MAP3K14: variants seen among roughly 807,000 people sequenced by gnomAD.
The protein encoded by MAP3K14 is mitogen-activated protein kinase kinase kinase 14.
A neutral mutation model predicts 99.2 loss-of-function variants in MAP3K14; 16 were observed. That is an observed-to-expected ratio of 0.16 (90% CI 0.11 to 0.24). The LOEUF is 0.24. MAP3K14 is among the 10% of genes least tolerant of loss of function. The probability of loss-of-function intolerance (pLI) is 1.00; values close to 1 mark genes in which losing one functional copy is unlikely to be tolerated. For missense variants in MAP3K14, 784 were observed against 1,208.7 expected, an observed-to-expected ratio of 0.65 and a Z score of 5.21; for synonymous variants, 462 against 492.4, an observed-to-expected ratio of 0.94 and a Z score of 0.82.
At position 45,274,541 on chromosome 17, in the gene MAP3K14, G is replaced by A; in HGVS notation, c.1343C>T (p.Thr448Ile). Residue 448 changes from threonine to isoleucine, a missense_variant, in exon 7 of 16, where the codon ACC becomes ATC. Coordinates refer to ENST00000344686, the MANE Select transcript of MAP3K14 (RefSeq NM_003954.5). ...AEELMACAGLTSPRIVPLYGA... is the reference protein window; with the variant it reads ...AEELMACAGLISPRIVPLYGA... ...ATACAAAGGGACAATTCTGGGTGAG[G>A]TCAATCCTGCACATGCCATCAGCTC... 1 of 1,613,960 alleles carries A rather than the reference G, an allele frequency of 6.2e-7. No individual in the cohort carries two copies. The highest frequency in any genetic ancestry group is 8.5e-7 in the Non-Finnish European group (1 of 1,179,898).
At position 45,303,741 on chromosome 17, in the gene MAP3K14, CT is replaced by C. The variant is rs77134550; in HGVS notation, c.-20-12977del. ...ACATATATAAACATATAGTTTGGGA[CT>C]TTTTTTTTTTTTTGTATTTTTAGTA... is the stretch of plus-strand genomic sequence containing the variant. On this transcript the variant is annotated intron_variant, in intron 1 of 15. Transcript: ENST00000344686. Among the ~76,000 whole-genome samples, 632 of 142,020 alleles carry C rather than the reference CT, an allele frequency of 4.5e-3. 1 individual carries two copies. Among genetic ancestry groups the C allele is most frequent in the African/African-American group, 8.2e-3 (321 of 38,994 alleles). The allele number at this position is 142,020 out of a possible 152,430, so 93.2% of individuals were successfully genotyped here.
chr17:45,275,648 C>T (rs1011037674), intron 6 of MAP3K14, among the ~76,000 whole-genome samples: 1 of 151,812 alleles, frequency 6.6e-6, no homozygotes, highest in East Asian at 1.9e-4. Context: ...GATGTGGGAC[C>T]TTTTGCTTAT....
intron 1 of MAP3K14, among the ~76,000 whole-genome samples, chr17:45,301,475 A>C (rs2044387454): frequency 6.6e-6 from 1 of 152,180 alleles, no homozygotes; most frequent in Non-Finnish European, 1.5e-5. Flanking sequence ...AGAAAAAAAA[A>C]AAGTTCACAG....
At chr17:45,283,980 T>C (rs1236055477) in intron 6 of MAP3K14, among the ~76,000 whole-genome samples, 1 of 152,120 alleles carries the variant, frequency 6.6e-6, no homozygotes, top group Non-Finnish European at 1.5e-5. Flanking sequence ...CTGTAAGGTC[T>C]GTCGGTCTGC....
At position 45,274,668 on chromosome 17, in the gene MAP3K14, C is replaced by T; in HGVS notation, c.1291-75G>A. The T allele has an allele frequency of 3.3e-6, 5 of 1,533,694 alleles. No homozygotes were observed. The South Asian group carries it at 4.9e-5, about 15-fold the overall frequency. ...TGGGTCCCTGGCATCCTGTCAGCAC[C>T]CTAGTGCTCCACACACAGAGGCTGC... On this transcript the variant is annotated intron_variant, in intron 6 of 15. Coordinates refer to ENST00000344686, the MANE Select transcript of MAP3K14 (RefSeq NM_003954.5).
At chr17:45,301,576 A>G (rs1272813156) in intron 1 of MAP3K14, among the ~76,000 whole-genome samples, 2 of 152,234 alleles carry the variant, frequency 1.3e-5, no homozygotes, top group African/African-American at 4.8e-5. Context: ...TCCATTAAAA[A>G]TGTTTATAAA....
intron 1 of MAP3K14, among the ~76,000 whole-genome samples, chr17:45,292,884 C>T (rs1321052283): frequency 6.6e-6 from 1 of 152,174 alleles, no homozygotes; most frequent in Non-Finnish European, 1.5e-5. Context: ...TGGAGACTTG[C>T]CCAAGGTCAC....
At chr17:45,299,749 T>C (rs963611925) in intron 1 of MAP3K14, among the ~76,000 whole-genome samples, 6 of 152,214 alleles carry the variant, frequency 3.9e-5, no homozygotes, top group Admixed American at 3.9e-4. Flanking sequence ...ATCATTAAAA[T>C]CTTACAGATC....
chr17:45,305,099 TA>T (rs2044420869), intron 1 of MAP3K14, among the ~76,000 whole-genome samples: 1 of 152,108 alleles, frequency 6.6e-6, no homozygotes, highest in Non-Finnish European at 1.5e-5. Flanking sequence ...TATGTTTTTT[TA>T]TTTTTTTTAT....
At chr17:45,298,473 A>G (rs923518121) in intron 1 of MAP3K14, among the ~76,000 whole-genome samples, 2 of 152,254 alleles carry the variant, frequency 1.3e-5, no homozygotes, top group Non-Finnish European at 2.9e-5. Flanking sequence ...AATTATCCAG[A>G]AAAGTTGGAA....
At chr17:45,311,185 A>T (rs1488903824) in intron 1 of MAP3K14, among the ~76,000 whole-genome samples, 1 of 152,168 alleles carries the variant, frequency 6.6e-6, no homozygotes, top group Non-Finnish European at 1.5e-5. Context: ...CACTGCAAAA[A>T]ATGTGAATGA....
At chr17:45,276,873 G>T (rs1598248646) in intron 6 of MAP3K14, among the ~76,000 whole-genome samples, 1 of 119,410 alleles carries the variant, frequency 8.4e-6, no homozygotes, top group Non-Finnish European at 1.6e-5. Context: ...CTGTCACCAG[G>T]CTGGAGTGCA....
intron 1 of MAP3K14, among the ~76,000 whole-genome samples, chr17:45,294,727 C>A (rs2044335023): frequency 6.6e-6 from 1 of 152,252 alleles, no homozygotes; most frequent in Non-Finnish European, 1.5e-5. Context: ...AGAATCTGTA[C>A]TTTTGACAAG....
intron 1 of MAP3K14, among the ~76,000 whole-genome samples, chr17:45,313,953 CAT>C (rs2143887437): frequency 6.6e-6 from 1 of 152,262 alleles, no homozygotes; most frequent in East Asian, 1.9e-4. Flanking sequence ...CCCTTCTTCA[CAT>C]GAGTATGGTG....
In MAP3K14 at chr17:45,272,336, A is replaced by G. The variant is rs895799969; in HGVS notation, c.1658-1115T>C. Among the ~76,000 whole-genome samples the G allele has an allele frequency of 6.6e-6, 1 of 152,068 alleles. No homozygotes were observed. Among genetic ancestry groups the G allele is most frequent in the South Asian group, 2.1e-4 (1 of 4,814 alleles). Reference sequence around the variant, plus strand: ...GCAAGACTCTGTCTCTAAAAAATAAAAGTTAAAAAGAATCAGAAAAGATAC... The same window carrying G: ...GCAAGACTCTGTCTCTAAAAAATAAGAGTTAAAAAGAATCAGAAAAGATAC... On this transcript the variant is annotated intron_variant, in intron 9 of 15. Transcript: ENST00000344686. This position sits in a 1 kb window ranked among gnomAD's most constrained non-coding sequence, Gnocchi z 4.1.
At chr17:45,266,024 C>T (rs1250739545) in intron 14 of MAP3K14, among the ~76,000 whole-genome samples, 1 of 152,242 alleles carries the variant, frequency 6.6e-6, no homozygotes, top group Non-Finnish European at 1.5e-5. Flanking sequence ...CACACTTGCC[C>T]TGGAGAGGGC....
intron 6 of MAP3K14, among the ~76,000 whole-genome samples, chr17:45,278,437 C>A (rs2143801409): frequency 6.6e-6 from 1 of 152,286 alleles, no homozygotes; most frequent in South Asian, 2.1e-4. Flanking sequence ...AGATCTAATG[C>A]CCACTTATCA....
In MAP3K14 at chr17:45,290,596, C is replaced by T; in HGVS notation, c.150G>A (p.Val50=). ...TCAGGATCTCCCACTTTCCGCAGAA[C>T]ACAGGGCTCTTCTCCACGGCCTCAA... ...YKLEAVEKSP[V]FCGKWEILND... Residue 50 remains valine, a synonymous_variant, in exon 2 of 16, where the codon GTG becomes GTA. Transcript: ENST00000344686. 5 of 1,613,822 alleles carry T rather than the reference C, an allele frequency of 3.1e-6. No homozygotes were observed. Among genetic ancestry groups the T allele is most frequent in the Non-Finnish European group, 4.2e-6 (5 of 1,179,872 alleles).
chr17:45,268,040 C>A, intron 11 of MAP3K14: 1 of 383,566 alleles, frequency 2.6e-6, no homozygotes, highest in Non-Finnish European at 4.6e-6. Flanking sequence ...ACTACAGAAT[C>A]AGCTCCAGAG....
Sources: gnomAD v4.1 joint callset for allele counts (sites outside exome capture counted in the v4.1 genomes callset) on GRCh38, gnomAD v4.1.1 for gene constraint, Gnocchi (gnomAD v3.1) non-coding constraint, MANE v1.5 for transcripts, NCBI Gene and HGNC (gene_info 2026-07-23, HGNC 2026-07-21) for gene names.